The following TMEM94 variants were observed in gnomAD, a reference collection of about 807,000 sequenced individuals.
The protein encoded by TMEM94 is transmembrane protein 94, also known as ER Mg2+ ATPase.
In TMEM94, 81 loss-of-function variants were observed where a neutral mutation model predicts 158.6. The observed-to-expected ratio is 0.51, with a 90% CI of 0.43 to 0.61. TMEM94 has a LOEUF of 0.61. TMEM94 is among the 20% of genes least tolerant of loss of function. TMEM94 has a pLI of 0.00. For synonymous variants in TMEM94, 751 were observed against 730.7 expected (o/e 1.03, Z -0.45); for missense variants, 1,435 against 1,762.0 (o/e 0.81, Z 3.32).
In TMEM94 at chr17:75,498,495, G is replaced by C. The variant is rs1281455464; in HGVS notation, c.3690G>C (p.Leu1230=). The change falls in exon 29 of 32, where the codon CTG becomes CTC. Residue 1230 remains leucine (L), a synonymous_variant. Coordinates refer to ENST00000314256, the MANE Select transcript of TMEM94 (RefSeq NM_014738.6). This position sits in a 1 kb window ranked among gnomAD's most constrained non-coding sequence, Gnocchi z 6.7. ...TTGAGGACTTTGCCAATGGACTGCT[G>C]TCGGCTCAGAAGCTCACGGCCGCCC... The part of the protein sequence containing the change: ...AWFEDFANGL[L]SAQKLTAALI... 2 of 1,594,916 alleles carry C rather than the reference G, an allele frequency of 1.3e-6. No individual in the cohort carries two copies. The highest frequency in any genetic ancestry group is 1.1e-5 in the South Asian group (1 of 88,032).
chr17:75,496,483 G>T lies in TMEM94; in HGVS notation c.3243+12G>T. The T allele has an allele frequency of 6.2e-7, 1 of 1,608,656 alleles. No individual in the cohort carries two copies. Among genetic ancestry groups the T allele is most frequent in the Non-Finnish European group, 8.5e-7 (1 of 1,176,648 alleles). Reference sequence around the variant, plus strand: ...GGCTTATCGAACAGGTGGGTGCTTCGGCAGGCAAAGGAGGAGAGACGCAGG... The same window carrying T: ...GGCTTATCGAACAGGTGGGTGCTTCTGCAGGCAAAGGAGGAGAGACGCAGG... On this transcript the variant is annotated intron_variant, in intron 24 of 31. Transcript: ENST00000314256.
intron 25 of TMEM94, 75 bp from the exon 26 acceptor site, chr17:75,497,037 AG>A (rs2052765088): frequency 6.9e-6 from 9 of 1,310,396 alleles, no homozygotes; most frequent in Admixed American, 6.7e-5. Flanking sequence ...GCCCAGGGCA[AG>A]GGAGCTCGGG....
At position 75,487,434 on chromosome 17, in the gene TMEM94, T is replaced by A. The variant is rs2051715093; in HGVS notation, c.410-498T>A. On this transcript the variant is annotated intron_variant, in intron 5 of 31. Transcript: ENST00000314256. The surrounding 1 kb of genome is among the most constrained non-coding windows in gnomAD (Gnocchi z 4.6). ...TGACAAAACCATTCTTCCAGGCCCA[T>A]CCCCAGTGCTTCCTCTTTCAGGAAG... 2 of 161,150 alleles carry A rather than the reference T, an allele frequency of 1.2e-5. No homozygotes were observed. The highest frequency in any genetic ancestry group is 4.8e-5 in the African/African-American group (2 of 41,530). 10.0% of individuals were successfully genotyped at this position (161,150 alleles called of 1,614,324 possible).
At position 75,495,176 on chromosome 17, in the gene TMEM94, C is replaced by T. The variant is rs991937879; in HGVS notation, c.2729-108C>T. ...ATGGCTCTGATGTCCCTGCGGGAAA[C>T]AGTAGTCAGCAGGAAGGAGTGGACA... On this transcript the variant is annotated intron_variant, in intron 20 of 31. Coordinates refer to ENST00000314256, the MANE Select transcript of TMEM94 (RefSeq NM_014738.6). This position sits in a 1 kb window ranked among gnomAD's most constrained non-coding sequence, Gnocchi z 5.6. 4 of 1,400,884 alleles carry T rather than the reference C, an allele frequency of 2.9e-6. No individual in the cohort carries two copies. Among genetic ancestry groups the T allele is most frequent in the Non-Finnish European group, 2.9e-6 (3 of 1,028,216 alleles). 86.8% of individuals were successfully genotyped at this position (1,400,884 alleles called of 1,614,324 possible).
chr17:75,491,762 T>C lies in TMEM94; in HGVS notation c.1458T>C (p.Arg486=). Residue 486 remains arginine, a synonymous_variant, in exon 14 of 32, where the codon CGT becomes CGC. Transcript: ENST00000314256. This position sits in a 1 kb window ranked among gnomAD's most constrained non-coding sequence, Gnocchi z 5.1. ...TGCACCTTTCCAATGAGCAGGAGCG[T>C]GGCGACTGGCCTGGCGAGGCTCCCA... ...NTLHLSNEQE[R]GDWPGEAPKP... 1.9e-6 allele frequency: 3 copies of C among 1,613,974 alleles called. No homozygotes were observed. The highest frequency in any genetic ancestry group is 2.5e-6 in the Non-Finnish European group (3 of 1,180,032).
At position 75,495,901 on chromosome 17, in the gene TMEM94, C is replaced by G. The variant is rs2052634607; in HGVS notation, c.2945-65C>G. ...CCTCCTGCTCTCCTGTCCCATGGGT[C>G]TCTGCCCAGTGCCCACTTGGTGCTC... On this transcript the variant is annotated intron_variant, in intron 22 of 31. Coordinates refer to ENST00000314256, the MANE Select transcript of TMEM94 (RefSeq NM_014738.6). The surrounding 1 kb of genome is among the most constrained non-coding windows in gnomAD (Gnocchi z 5.6). 1.7e-6 allele frequency: 2 copies of G among 1,201,484 alleles called. No individual in the cohort carries two copies. The highest frequency in any genetic ancestry group is 1.2e-6 in the Non-Finnish European group (1 of 818,544). The allele number at this position is 1,201,484 out of a possible 1,614,324, so 74.4% of individuals were successfully genotyped here.
At chr17:75,494,154 T>G (rs1488561565) in intron 18 of TMEM94, among the ~76,000 whole-genome samples, 6 of 152,198 alleles carry the variant, frequency 3.9e-5, no homozygotes, top group Admixed American at 3.3e-4. Context: ...GTTGTGATGC[T>G]CAAGTGGGTT....
rs374957706 is a variant in TMEM94, at chr17:75,496,365, C to G, written c.3137C>G (p.Ser1046Trp). 1.2e-6 allele frequency: 2 copies of G among 1,613,980 alleles called. No individual in the cohort carries two copies. Among genetic ancestry groups the G allele is most frequent in the South Asian group, 1.1e-5 (1 of 91,088 alleles). ...ACCAGCATCAGCATGGCCCAGGCCTCGGATGGCCTTTCTCCCCTGCAGCTG... is the reference window on the plus strand; with the variant it reads ...ACCAGCATCAGCATGGCCCAGGCCTGGGATGGCCTTTCTCCCCTGCAGCTG... Reference protein sequence around the residue: ...YATSISMAQASDGLSPLQLSG... With the variant: ...YATSISMAQAWDGLSPLQLSG... Residue 1046 changes from serine (S) to tryptophan (W), a missense_variant, in exon 24 of 32, where the codon TCG becomes TGG. Around this residue, in one of 3 missense-constraint regions of TMEM94, gnomAD observed 335 missense variants for 409.1 expected, o/e 0.82. Transcript: ENST00000314256.
In TMEM94 at chr17:75,489,735, G is replaced by C; in HGVS notation, c.954+73G>C. On this transcript the variant is annotated intron_variant, in intron 9 of 31. Transcript: ENST00000314256. The surrounding 1 kb of genome is among the most constrained non-coding windows in gnomAD (Gnocchi z 5.0). ...GGCTGGCTCTTCTCCTAGTACCCTG[G>C]CTGTCCCTCCCTCTCTGCAGCCCAG... The C allele has an allele frequency of 7.8e-7, 1 of 1,290,266 alleles. No homozygotes were observed. The highest frequency in any genetic ancestry group is 1.1e-6 in the Non-Finnish European group (1 of 892,660). The allele number at this position is 1,290,266 out of a possible 1,614,324, so 79.9% of individuals were successfully genotyped here.
At position 75,489,673 on chromosome 17, in the gene TMEM94, C is replaced by T. The variant is rs766473834; in HGVS notation, c.954+11C>T. ...CTCCTCCAGCTCCAGGCAAGGACCACCCTGTCCTCTCTGTCATGCTTCCCT... is the reference window on the plus strand; with the variant it reads ...CTCCTCCAGCTCCAGGCAAGGACCATCCTGTCCTCTCTGTCATGCTTCCCT... On this transcript the variant is annotated intron_variant, in intron 9 of 31. Transcript: ENST00000314256. This position sits in a 1 kb window ranked among gnomAD's most constrained non-coding sequence, Gnocchi z 5.0. 7 of 1,607,156 alleles carry T rather than the reference C, an allele frequency of 4.4e-6. No homozygotes were observed. The highest frequency in any genetic ancestry group is 6.0e-6 in the Non-Finnish European group (7 of 1,173,908).
rs1180466830 is a variant in TMEM94 at position 75,488,644 on chromosome 17, T to A, written c.613-115T>A. ...CCACAGGCCCTGTCCCAGTGGACTCTGGGCTAACTGATGGCTCCTAACCCC... is the reference window on the plus strand; with the variant it reads ...CCACAGGCCCTGTCCCAGTGGACTCAGGGCTAACTGATGGCTCCTAACCCC... On this transcript the variant is annotated intron_variant, in intron 6 of 31. Transcript: ENST00000314256. 6 of 1,270,970 alleles carry A rather than the reference T, an allele frequency of 4.7e-6. No individual in the cohort carries two copies. In the African/African-American group the frequency reaches 5.9e-5, roughly 13 times the overall value. The allele number at this position is 1,270,970 out of a possible 1,614,324, so 78.7% of individuals were successfully genotyped here.
At position 75,489,343 on chromosome 17, in the gene TMEM94, T is replaced by TA; in HGVS notation, c.843dup (p.His282ThrfsTer79). 1 of 1,614,186 alleles carries TA rather than the reference T, an allele frequency of 6.2e-7. No individual in the cohort carries two copies. Among genetic ancestry groups the TA allele is most frequent in the Non-Finnish European group, 8.5e-7 (1 of 1,180,008 alleles). On this transcript the variant is annotated frameshift_variant, in exon 8 of 32. Transcript: ENST00000314256. LOFTEE classifies it high-confidence loss of function. The surrounding 1 kb of genome is among the most constrained non-coding windows in gnomAD (Gnocchi z 5.0). ...CGGTTCACAGTGCAGTCGGTGATGC[T>TA]ACACTATGCTGTGCCCGTGGTCCTG... is the stretch of plus-strand genomic sequence containing the variant.
chr17:75,478,391 G>C (rs1181051645), intron 2 of TMEM94, among the ~76,000 whole-genome samples: 1 of 151,852 alleles, frequency 6.6e-6, no homozygotes, highest in East Asian at 1.9e-4. Context: ...AGGGGACAGG[G>C]CCTGGGGCTT....
intron 1 of TMEM94, among the ~76,000 whole-genome samples, chr17:75,465,655 T>TATATATATATATA (rs9302993): frequency 3.0e-5 from 3 of 98,834 alleles, no homozygotes; most frequent in African/African-American, 1.6e-4. Flanking sequence ...ATAAGAATTT[T>TATATATATATATA]TATATATATA....
intron 1 of TMEM94, among the ~76,000 whole-genome samples, chr17:75,471,402 G>A (rs1452145122): frequency 6.6e-6 from 1 of 152,050 alleles, no homozygotes; most frequent in African/African-American, 2.4e-5. Context: ...GCTCGATGAG[G>A]CTGACTCTGT....
At position 75,489,788 on chromosome 17, in the gene TMEM94, C is replaced by T; in HGVS notation, c.954+126C>T. The T allele has an allele frequency of 3.7e-6, 3 of 812,340 alleles. No individual in the cohort carries two copies. In the South Asian group the frequency reaches 4.6e-5, roughly 12 times the overall value. 50.3% of individuals were successfully genotyped at this position (812,340 alleles called of 1,614,324 possible). A position where few individuals can be genotyped will look rare whatever the true frequency, so the allele number is the denominator to read the frequency against. ...GTCCCCTCACGCTTCAGCTTAAGAA[C>T]ACCTCTTTCCAGCTGGGCGTGGGGA... On this transcript the variant is annotated intron_variant, in intron 9 of 31. Coordinates refer to ENST00000314256, the MANE Select transcript of TMEM94 (RefSeq NM_014738.6). The surrounding 1 kb of genome is among the most constrained non-coding windows in gnomAD (Gnocchi z 5.0).
Position 75,493,550 on chromosome 17 carries a change from T to G in TMEM94, c.2146T>G (p.Phe716Val). The change falls in exon 17 of 32, where the codon TTC (phenylalanine) becomes GTC (valine). Residue 716 changes from phenylalanine to valine, a missense_variant. Phe to Val is a conservative substitution (Grantham distance 50). Around this residue, in one of 3 missense-constraint regions of TMEM94, gnomAD observed 1,051 missense variants for 1,254.4 expected, o/e 0.84. Coordinates refer to ENST00000314256, the MANE Select transcript of TMEM94 (RefSeq NM_014738.6). ...TGTGGTCTTAGAGGCCTGCACAGAC[T>G]TCTGGGACGGAGCTGACATCTACCC... ...ADVVLEACTD[F>V]WDGADIYPLS... 6.2e-7 allele frequency: 1 copy of G among 1,614,046 alleles called. No homozygotes were observed. The highest frequency in any genetic ancestry group is 1.1e-5 in the South Asian group (1 of 91,082).
intron 1 of TMEM94, among the ~76,000 whole-genome samples, chr17:75,470,978 C>T (rs2050479226): frequency 6.6e-6 from 1 of 150,824 alleles, no homozygotes. Context: ...GTGGCTCACG[C>T]CTGTAATCCC....
rs529070900 is a variant in TMEM94 at position 75,457,499 on chromosome 17, T to G, written c.-107+748T>G. ...ATTGGTGTGTCACCGCGGGCTAAAC[T>G]TTGGCGTTGCCTTGGTCACGTGCTG... On this transcript the variant is annotated intron_variant, in intron 1 of 31. Coordinates refer to ENST00000314256, the MANE Select transcript of TMEM94 (RefSeq NM_014738.6). The G allele has an allele frequency of 2.6e-5, 4 of 152,210 alleles. No homozygotes were observed. The South Asian group carries it at 8.3e-4, about 32-fold the overall frequency. The allele number at this position is 152,210 out of a possible 1,614,324, so 9.4% of individuals were successfully genotyped here.
Sources: allele counts gnomAD v4.1 joint callset (sites outside exome capture counted in the v4.1 genomes callset), GRCh38; gene constraint gnomAD v4.1.1; regional missense constraint gnomAD v4.1.1; non-coding constraint Gnocchi (gnomAD v3.1); transcripts MANE v1.5; gene names NCBI Gene and HGNC (gene_info 2026-07-23, HGNC 2026-07-21).